Variants in PAPSS1 observed in about 807,000 individuals in gnomAD.
The protein encoded by PAPSS1 is bifunctional 3'-phosphoadenosine 5'-phosphosulfate synthase 1.
In PAPSS1, 50 loss-of-function variants were observed where a neutral mutation model predicts 72.0. The ratio of observed to expected loss-of-function variants is 0.69; its 90% CI spans 0.55 to 0.88. PAPSS1 has a LOEUF of 0.88. Ranked by LOEUF, PAPSS1 falls within the 40% of genes least tolerant of loss-of-function variation. The pLI is 0.00. For missense variants in PAPSS1, 657 were observed against 782.2 expected (o/e 0.84, Z 1.91); for synonymous variants, 261 against 263.6 (o/e 0.99, Z 0.09).
intron 2 of PAPSS1, among the ~76,000 whole-genome samples, chr4:107,700,830 A>G (rs562094247): frequency 6.6e-6 from 1 of 152,300 alleles, no homozygotes; most frequent in East Asian, 1.9e-4. Context: ...GTATTCTGTT[A>G]TAACAGCATA....
At chr4:107,630,034 G>A (rs762841812) in intron 11 of PAPSS1, among the ~76,000 whole-genome samples, 55 of 152,054 alleles carry the variant, frequency 3.6e-4, no homozygotes, top group Middle Eastern at 3.4e-3. Flanking sequence ...AATCTTTAAG[G>A]GGCACCCATT....
chr4:107,642,832 G>C (rs1357839031), intron 10 of PAPSS1, among the ~76,000 whole-genome samples: 2 of 152,172 alleles, frequency 1.3e-5, no homozygotes, highest in Non-Finnish European at 2.9e-5. Flanking sequence ...GCAATACACT[G>C]CTGATGGGAG....
chr4:107,654,706 G>T lies in PAPSS1; in HGVS notation c.1090C>A (p.Pro364Thr). 6.2e-7 allele frequency: 1 copy of T among 1,612,388 alleles called. No homozygotes were observed. Among genetic ancestry groups the T allele is most frequent in the Non-Finnish European group, 8.5e-7 (1 of 1,179,550 alleles). The change falls in exon 8 of 12, where the codon CCC (proline) becomes ACC (threonine). Residue 364 changes from proline to threonine, a missense_variant. Pro to Thr is a conservative substitution (Grantham distance 38). This residue lies in a region of PAPSS1 where 190 missense variants were observed against 176.7 expected (regional missense o/e 1.07). Coordinates refer to ENST00000265174, the MANE Select transcript of PAPSS1 (RefSeq NM_005443.5). ...GGTTTTTTCAGCACCTTAATATAGG[G>T]GTGGTTCTTGCATGTCGTTCCCCAC... ...RQWGTTCKNH[P>T]YIKMVMEQGD...
chr4:107,683,640 A>C (rs1271070025), intron 4 of PAPSS1, among the ~76,000 whole-genome samples: 1 of 152,200 alleles, frequency 6.6e-6, no homozygotes, highest in Non-Finnish European at 1.5e-5. Flanking sequence ...AATAAATGTA[A>C]ATTGTGAGAA....
chr4:107,669,331 A>C (rs1727409983), intron 5 of PAPSS1, among the ~76,000 whole-genome samples: 1 of 152,240 alleles, frequency 6.6e-6, no homozygotes, highest in Non-Finnish European at 1.5e-5. Flanking sequence ...TGAGAAAAAC[A>C]ACCAAAAGAA....
At chr4:107,638,418 A>C (rs771655012) in intron 10 of PAPSS1, among the ~76,000 whole-genome samples, 3 of 152,208 alleles carry the variant, frequency 2.0e-5, no homozygotes, top group Non-Finnish European at 4.4e-5. Context: ...CAATCTCCAA[A>C]AAGATATACC....
intron 5 of PAPSS1, among the ~76,000 whole-genome samples, chr4:107,669,524 T>C (rs1414197323): frequency 6.6e-6 from 1 of 152,180 alleles, no homozygotes; most frequent in Non-Finnish European, 1.5e-5. Context: ...GGCTGGAATG[T>C]TTATTGCTTA....
At chr4:107,677,907 A>G (rs144475867) in intron 5 of PAPSS1, among the ~76,000 whole-genome samples, 4 of 152,284 alleles carry the variant, frequency 2.6e-5, no homozygotes, top group African/African-American at 9.6e-5. Context: ...GAAGCTGGAA[A>G]CCATCATTCT....
intron 9 of PAPSS1, among the ~76,000 whole-genome samples, chr4:107,653,090 T>C (rs1038698631): frequency 6.8e-6 from 1 of 147,368 alleles, no homozygotes; most frequent in African/African-American, 2.4e-5. Context: ...TATGAATATA[T>C]ATGAATACAT....
At chr4:107,658,446 G>T (rs1727078368) in intron 6 of PAPSS1, among the ~76,000 whole-genome samples, 1 of 151,508 alleles carries the variant, frequency 6.6e-6, no homozygotes, top group African/African-American at 2.4e-5. Context: ...ATTTTACAAA[G>T]ACTATTATTT....
At chr4:107,668,026 T>C (rs1401085864) in intron 5 of PAPSS1, among the ~76,000 whole-genome samples, 1 of 152,188 alleles carries the variant, frequency 6.6e-6, no homozygotes, top group Non-Finnish European at 1.5e-5. Flanking sequence ...TAATCCCAAC[T>C]ACAGTTAGGG....
chr4:107,712,943 T>C (rs1423187492), intron 1 of PAPSS1, among the ~76,000 whole-genome samples: 2 of 150,878 alleles, frequency 1.3e-5, no homozygotes, highest in South Asian at 2.1e-4. Context: ...ATATAATGAA[T>C]GAACTATTAA....
At position 107,653,590 on chromosome 4, in the gene PAPSS1, C is replaced by T; in HGVS notation, c.1138G>A (p.Asp380Asn). Residue 380 changes from aspartate (D) to asparagine (N), a missense_variant, in exon 9 of 12, where the codon GAT becomes AAT. Around this residue, in one of 7 missense-constraint regions of PAPSS1, gnomAD observed 166 missense variants for 228.3 expected, o/e 0.73. Coordinates refer to ENST00000265174, the MANE Select transcript of PAPSS1 (RefSeq NM_005443.5). ...MEQGDWLIGGDLQVLDRVYWN... is the reference protein window; with the variant it reads ...MEQGDWLIGGNLQVLDRVYWN... The stretch of plus-strand genomic sequence containing the variant: ...TAAACTCGATCCAAGACTTGAAGAT[C>T]TCCTCCAATCAGCCAATCTCCTTGT... 6.2e-7 allele frequency: 1 copy of T among 1,613,526 alleles called. No individual in the cohort carries two copies. The highest frequency in any genetic ancestry group is 1.7e-4 in the Middle Eastern group (1 of 6,056).
intron 11 of PAPSS1, among the ~76,000 whole-genome samples, chr4:107,617,144 T>G (rs1462356956): frequency 6.6e-6 from 1 of 152,128 alleles, no homozygotes; most frequent in Non-Finnish European, 1.5e-5. Context: ...TTTCCTCTGT[T>G]TGATGTTTGT....
At chr4:107,687,975 CAAAAAA>C (rs11305780) in intron 3 of PAPSS1, among the ~76,000 whole-genome samples, 1 of 127,156 alleles carries the variant, frequency 7.9e-6, no homozygotes, top group Non-Finnish European at 1.7e-5. Context: ...CTTCATGTTT[CAAAAAA>C]AAAAAAAAAA....
Position 107,614,252 on chromosome 4 carries a change from A to G in PAPSS1, c.1872T>C (p.Ala624=). 1.2e-6 allele frequency: 2 copies of G among 1,613,230 alleles called. No individual in the cohort carries two copies. Among genetic ancestry groups the G allele is most frequent in the East Asian group, 2.2e-5 (1 of 44,842 alleles). The change falls in exon 12 of 12, where the codon GCT becomes GCC. Residue 624 remains alanine (A), a synonymous_variant. Coordinates refer to ENST00000265174, the MANE Select transcript of PAPSS1 (RefSeq NM_005443.5). The part of the protein sequence containing the change: ...LTEYYKSLEK[A] ...GTGGAGTGACTGGGTTAACAGCCTA[A>G]GCTTTCTCCAAGGATTTGTAGTATT...
At chr4:107,684,505 T>C (rs1722722244) in intron 4 of PAPSS1, among the ~76,000 whole-genome samples, 1 of 152,136 alleles carries the variant, frequency 6.6e-6, no homozygotes, top group Non-Finnish European at 1.5e-5. Flanking sequence ...TTCCAGACCC[T>C]CCCAATCCTA....
chr4:107,694,094 T>C (rs1723008022), intron 2 of PAPSS1, 88 bp from the exon 3 acceptor site: 1 of 934,552 alleles, frequency 1.1e-6, no homozygotes. Flanking sequence ...GAAACAAGAG[T>C]CTTGCTCTGC....
chr4:107,679,110 TG>T (rs1156491501), intron 5 of PAPSS1, among the ~76,000 whole-genome samples: 1 of 152,002 alleles, frequency 6.6e-6, no homozygotes, highest in Non-Finnish European at 1.5e-5. Flanking sequence ...GAAGGAGCAC[TG>T]AGAAAAACCC....
Sources: gnomAD v4.1 joint callset for allele counts (sites outside exome capture counted in the v4.1 genomes callset) on GRCh38, gnomAD v4.1.1 for gene constraint, gnomAD v4.1.1 regional missense constraint, MANE v1.5 for transcripts, NCBI Gene and HGNC (gene_info 2026-07-23, HGNC 2026-07-21) for gene names.